Variants in HSPG2 observed in about 807,000 individuals in gnomAD.
HSPG2 encodes the protein basement membrane-specific heparan sulfate proteoglycan core protein.
Under a neutral mutation model 526.6 loss-of-function variants are expected in HSPG2, and 278 were observed. That is an observed-to-expected ratio of 0.53 (90% confidence interval 0.48 to 0.58). The LOEUF (loss-of-function observed/expected upper bound fraction) is 0.58. Among genes scored for constraint, HSPG2 ranks in the 20% least tolerant of loss-of-function variants. HSPG2 has a pLI of 0.00. For missense variants in HSPG2, 5,354 were observed against 6,099.5 expected (o/e 0.88, Z 4.07); for synonymous variants, 2,465 against 2,555.4 (o/e 0.96, Z 1.07).
chr1:21,906,102 A>C lies in HSPG2; in HGVS notation c.64-9792T>G, dbSNP rs541215504. 4.6e-5 allele frequency among the ~76,000 whole-genome samples: 7 copies of C among 152,362 alleles called. No homozygotes were observed. The South Asian group carries it at 1.4e-3, about 32-fold the overall frequency. On this transcript the variant is annotated intron_variant, in intron 1 of 96. Transcript: ENST00000374695. ...AACTTGCCCATAGTCACAGGGTTGGAAGAACCAAGACTTGAACCTAAGACC... is the reference window on the plus strand; with the variant it reads ...AACTTGCCCATAGTCACAGGGTTGGCAGAACCAAGACTTGAACCTAAGACC...
intron 91 of HSPG2, among the ~76,000 whole-genome samples, chr1:21,825,694 G>A (rs1268358030): frequency 6.6e-6 from 1 of 152,188 alleles, no homozygotes. Context: ...GTGGCTGTGC[G>A]GGGAGCGTCC....
At position 21,858,815 on chromosome 1, in the gene HSPG2, C is replaced by T. The variant is rs1313879415; in HGVS notation, c.5293+751G>A. Among the ~76,000 whole-genome samples, 3 of 152,228 alleles carry T rather than the reference C, an allele frequency of 2.0e-5. No individual in the cohort carries two copies. Among genetic ancestry groups the T allele is most frequent in the Non-Finnish European group, 4.4e-5 (3 of 68,040 alleles). On this transcript the variant is annotated intron_variant, in intron 42 of 96. Coordinates refer to ENST00000374695, the MANE Select transcript of HSPG2 (RefSeq NM_005529.7). This position sits in a 1 kb window ranked among gnomAD's most constrained non-coding sequence, Gnocchi z 4.2. ...GACTTGATGCTCCCAGAATAGGTCT[C>T]AGTCAATGACTGACAGAAGCTGGCC...
chr1:21,862,184 A>G (rs1380765187), intron 37 of HSPG2, 69 bp from the exon 38 acceptor site: 2 of 1,558,388 alleles, frequency 1.3e-6, no homozygotes, highest in Admixed American at 3.4e-5. Context: ...CAGGGTTGCA[A>G]TCCCTTGATC....
chr1:21,854,998 A>T lies in HSPG2; in HGVS notation c.5998-15T>A, dbSNP rs1000339741. The T allele has an allele frequency of 5.0e-6, 8 of 1,611,056 alleles. No homozygotes were observed. The highest frequency in any genetic ancestry group is 6.8e-6 in the Non-Finnish European group (8 of 1,179,976). On this transcript the variant is annotated splice_polypyrimidine_tract_variant and intron_variant, in intron 47 of 96. Coordinates refer to ENST00000374695, the MANE Select transcript of HSPG2 (RefSeq NM_005529.7). ...TCTGACCGGGCCTGCCGTGGGTGAGATGGGTCAGCTGCCCCAGAGGCAGCT... is the reference window on the plus strand; with the variant it reads ...TCTGACCGGGCCTGCCGTGGGTGAGTTGGGTCAGCTGCCCCAGAGGCAGCT...
At position 21,937,241 on chromosome 1, in the gene HSPG2, G is replaced by A. The variant is rs1644514722; in HGVS notation, c.-24C>T. On this transcript the variant is annotated 5_prime_UTR_variant, in exon 1 of 97. Coordinates refer to ENST00000374695, the MANE Select transcript of HSPG2 (RefSeq NM_005529.7). The stretch of plus-strand genomic sequence containing the variant: ...ATGGCCCGGCCCGCGCCGCTCTCTC[G>A]CTCGCTCGCTCCGCGCCGCCCGCTC... 1.1e-6 allele frequency: 1 copy of A among 893,582 alleles called. No individual in the cohort carries two copies. Among genetic ancestry groups the A allele is most frequent in the Non-Finnish European group, 1.3e-6 (1 of 754,742 alleles). The allele number at this position is 893,582 out of a possible 1,614,324, so 55.4% of individuals were successfully genotyped here.
At chr1:21,855,231 G>C (rs185816087) in intron 47 of HSPG2, 73 bp downstream of exon 47, 42 of 1,532,306 alleles carry the variant, frequency 2.7e-5, no homozygotes, top group Middle Eastern at 2.3e-4. Context: ...GGGCGTGAAG[G>C]GGGAGGGAAG....
chr1:21,863,078 A>AACAAAAAAAAAC (rs1221606026), intron 37 of HSPG2, among the ~76,000 whole-genome samples: 4 of 143,448 alleles, frequency 2.8e-5, no homozygotes, highest in South Asian at 2.2e-4. Context: ...AAAAAAAAAA[A>AACAAAAAAAAAC]AAAAAAAAAA....
At chr1:21,838,404 T>C (rs2098035631) in intron 74 of HSPG2, among the ~76,000 whole-genome samples, 1 of 152,192 alleles carries the variant, frequency 6.6e-6, no homozygotes, top group Non-Finnish European at 1.5e-5. Context: ...GGGTGGGTGC[T>C]CCTGTCACTC....
rs115778726 is a variant in HSPG2, at chr1:21,875,070, A to G, written c.3303-68T>C. The G allele has an allele frequency of 6.3e-3, 7,229 of 1,148,854 alleles. 363 individuals are homozygous for G. In the African/African-American group the frequency reaches 0.098, roughly 16 times the overall value. The allele number at this position is 1,148,854 out of a possible 1,614,324, so 71.2% of individuals were successfully genotyped here. A position where few individuals can be genotyped will look rare whatever the true frequency, so the allele number is the denominator to read the frequency against. ...GTGCCAGGCACGCCTGGAGTCCTCC[A>G]CTGGCAGGGTCTTATTAGTCCTCCC... On this transcript the variant is annotated intron_variant, in intron 25 of 96. Coordinates refer to ENST00000374695, the MANE Select transcript of HSPG2 (RefSeq NM_005529.7).
intron 91 of HSPG2, among the ~76,000 whole-genome samples, chr1:21,826,722 T>G (rs1307410456): frequency 6.6e-6 from 1 of 152,052 alleles, no homozygotes; most frequent in Non-Finnish European, 1.5e-5. Flanking sequence ...TTGGTCAGGC[T>G]GGTCTCAAAT....
chr1:21,897,421 G>A (rs1396216196), intron 1 of HSPG2, among the ~76,000 whole-genome samples: 2 of 152,112 alleles, frequency 1.3e-5, no homozygotes, highest in African/African-American at 4.8e-5. Context: ...CCAAGGAGGA[G>A]AAAAAAACAA....
At chr1:21,913,137 C>T (rs145765632) in intron 1 of HSPG2, among the ~76,000 whole-genome samples, 27 of 152,252 alleles carry the variant, frequency 1.8e-4, no homozygotes, top group East Asian at 7.7e-4. Context: ...TTACCTTTCA[C>T]GAAGCCACCT....
chr1:21,928,654 G>C (rs1034761135), intron 1 of HSPG2, among the ~76,000 whole-genome samples: 1 of 152,154 alleles, frequency 6.6e-6, no homozygotes, highest in Non-Finnish European at 1.5e-5. Flanking sequence ...TCTTGGCCAG[G>C]CTGGTCTCGA....
At chr1:21,882,228 C>G (rs1641570950) in intron 13 of HSPG2, among the ~76,000 whole-genome samples, 1 of 152,126 alleles carries the variant, frequency 6.6e-6, no homozygotes, top group African/African-American at 2.4e-5. Context: ...GAGACCAAGT[C>G]CAGGTGTGTT....
At chr1:21,901,655 G>A (rs112086265) in intron 1 of HSPG2, among the ~76,000 whole-genome samples, 10 of 152,152 alleles carry the variant, frequency 6.6e-5, no homozygotes, top group Admixed American at 2.0e-4. Flanking sequence ...GCCCCCGACT[G>A]CCCCCGCAGC....
intron 1 of HSPG2, among the ~76,000 whole-genome samples, chr1:21,928,733 C>T (rs571708178): frequency 2.2e-4 from 33 of 149,702 alleles, no homozygotes; most frequent in Admixed American, 1.3e-3. Flanking sequence ...TGAGCCACCG[C>T]GCCCATCCTT....
chr1:21,886,608 T>C (rs1355452008), intron 9 of HSPG2, among the ~76,000 whole-genome samples: 1 of 152,074 alleles, frequency 6.6e-6, no homozygotes, highest in Non-Finnish European at 1.5e-5. Context: ...TATTTAACTG[T>C]CAGGATGCCC....
In HSPG2 at chr1:21,865,667, G is replaced by A; in HGVS notation, c.4314+50C>T. The A allele has an allele frequency of 6.9e-7, 1 of 1,443,374 alleles. No homozygotes were observed. The highest frequency in any genetic ancestry group is 9.8e-7 in the Non-Finnish European group (1 of 1,024,874). 89.4% of individuals were successfully genotyped at this position (1,443,374 alleles called of 1,614,324 possible). On this transcript the variant is annotated intron_variant, in intron 34 of 96. Coordinates refer to ENST00000374695, the MANE Select transcript of HSPG2 (RefSeq NM_005529.7). This position sits in a 1 kb window ranked among gnomAD's most constrained non-coding sequence, Gnocchi z 5.4. ...AAGGACAAATGCCGAGGGTGCCCCTGGCTTCCATCCTGCCCTTCTGCCCAC... is the reference window on the plus strand; with the variant it reads ...AAGGACAAATGCCGAGGGTGCCCCTAGCTTCCATCCTGCCCTTCTGCCCAC...
intron 28 of HSPG2, 73 bp downstream of exon 28, chr1:21,874,333 T>C (rs1640881270): frequency 6.3e-7 from 1 of 1,590,362 alleles, no homozygotes; most frequent in African/African-American, 1.3e-5. Flanking sequence ...AGAAGGGCCC[T>C]GGATGAAGCG....
Sources: allele counts gnomAD v4.1 joint callset (sites outside exome capture counted in the v4.1 genomes callset), GRCh38; gene constraint gnomAD v4.1.1; non-coding constraint Gnocchi (gnomAD v3.1); transcripts MANE v1.5; gene names NCBI Gene and HGNC (gene_info 2026-07-23, HGNC 2026-07-21).